The following C5 variants were observed in gnomAD, a reference collection of about 807,000 sequenced individuals.
C5 encodes C3 and PZP-like alpha-2-macroglobulin domain-containing protein 4.
C5 carries 140 observed loss-of-function variants against 218.8 expected under a neutral mutation model. The ratio of observed to expected loss-of-function variants is 0.64; its 90% CI spans 0.56 to 0.74. The LOEUF (loss-of-function observed/expected upper bound fraction) is 0.74, where lower values mean the gene tolerates loss of function less well. Ranked by LOEUF, C5 falls within the 30% of genes least tolerant of loss-of-function variation. The probability of loss-of-function intolerance (pLI) is 0.00; values close to 1 mark genes in which losing one functional copy is unlikely to be tolerated. For synonymous variants in C5, 614 were observed against 682.3 expected (o/e 0.90, Z 1.56); for missense variants, 1,700 against 1,969.6 (o/e 0.86, Z 2.59).
At chr9:121,016,459 G>T (rs1234094711) in intron 14 of C5, 76 bp from the exon 15 acceptor site, 3 of 1,558,956 alleles carry the variant, frequency 1.9e-6, no homozygotes, top group Non-Finnish European at 2.7e-6. Context: ...GGTACTAATT[G>T]TTACATGGTT....
chr9:121,043,451 A>C (rs2047598400), intron 2 of C5, among the ~76,000 whole-genome samples: 1 of 152,080 alleles, frequency 6.6e-6, no homozygotes, highest in African/African-American at 2.4e-5. Flanking sequence ...CCTTTAAGAA[A>C]CCTTCACTCA....
At position 121,025,858 on chromosome 9, in the gene C5, G is replaced by A. The variant is rs1204675578; in HGVS notation, c.874-278C>T. On this transcript the variant is annotated intron_variant, in intron 8 of 40. Transcript: ENST00000223642. ...AAACACGACTTCTTCCAATTCCTGC[G>A]TCATCATTCATCTTTATAGGCCTCT... 11 of 343,170 alleles carry A rather than the reference G, an allele frequency of 3.2e-5. No homozygotes were observed. The East Asian group carries it at 3.3e-4, about 10-fold the overall frequency. The allele number at this position is 343,170 out of a possible 1,614,324, so 21.3% of individuals were successfully genotyped here.
the C5 span, among the ~76,000 whole-genome samples, chr9:121,074,072 C>G: frequency 4.2e-4 from 64 of 152,194 alleles, 2 homozygotes; most frequent in South Asian, 0.013. Flanking sequence ...TGAGCAGGCA[C>G]GCTGCTAAGA....
intron 17 of C5, among the ~76,000 whole-genome samples, chr9:121,011,580 A>C (rs1221344342): frequency 6.6e-6 from 1 of 152,212 alleles, no homozygotes; most frequent in Non-Finnish European, 1.5e-5. Context: ...TCCTTAAAAA[A>C]CAAAGAATAG....
In C5 at chr9:121,030,504, A is replaced by G; in HGVS notation, c.668-17T>C. ...GTGGCAAGACTGAAAATAAAAACAA[A>G]CAGGTAATATTACCATTTTGATTAG... is the stretch of plus-strand genomic sequence containing the variant. On this transcript the variant is annotated splice_polypyrimidine_tract_variant and intron_variant, in intron 6 of 40. Transcript: ENST00000223642. 6.9e-7 allele frequency: 1 copy of G among 1,439,214 alleles called. No homozygotes were observed. 89.2% of individuals were successfully genotyped at this position (1,439,214 alleles called of 1,614,324 possible). A position where few individuals can be genotyped will look rare whatever the true frequency, so the allele number is the denominator to read the frequency against.
rs1291345477 is a variant in C5, at chr9:121,043,181, G to A, written c.259-15C>T. 12 of 1,600,724 alleles carry A rather than the reference G, an allele frequency of 7.5e-6. No individual in the cohort carries two copies. The South Asian group carries it at 1.1e-4, about 15-fold the overall frequency. On this transcript the variant is annotated splice_polypyrimidine_tract_variant and intron_variant, in intron 2 of 40. Coordinates refer to ENST00000223642, the MANE Select transcript of C5 (RefSeq NM_001735.3). ...TTTGGTTGTATCTGGAAAAGAAATT[G>A]TTGATGGAAAAAGTATAATAATTCT...
upstream of C5, among the ~76,000 whole-genome samples, chr9:121,051,589 T>C (rs2047671770): frequency 6.6e-6 from 1 of 152,218 alleles, no homozygotes; most frequent in African/African-American, 2.4e-5. Context: ...GAGATATTTA[T>C]GATATATAAA....
chr9:120,972,808 G>A (rs1372068610), intron 30 of C5, among the ~76,000 whole-genome samples: 2 of 152,144 alleles, frequency 1.3e-5, no homozygotes, highest in Non-Finnish European at 2.9e-5. Flanking sequence ...ATATGTTAAA[G>A]TTTCTCAATC....
At position 121,025,419 on chromosome 9, in the gene C5, TACAC is replaced by T. The variant is rs1173632890; in HGVS notation, c.1000+31_1000+34del. On this transcript the variant is annotated intron_variant, in intron 9 of 40. Coordinates refer to ENST00000223642, the MANE Select transcript of C5 (RefSeq NM_001735.3). ...TCTAAATATTTTTCAAAAGAAAGTA[TACAC>T]ACACACACACACACACACACACACA... The T allele has an allele frequency of 4.6e-4, 660 of 1,437,110 alleles. 2 individuals carry two copies. The African/African-American group carries it at 5.1e-3, about 11-fold the overall frequency. The allele number at this position is 1,437,110 out of a possible 1,614,324, so 89.0% of individuals were successfully genotyped here.
At chr9:121,004,110 C>A (rs2047195414) in intron 20 of C5, among the ~76,000 whole-genome samples, 1 of 152,054 alleles carries the variant, frequency 6.6e-6, no homozygotes, top group African/African-American at 2.4e-5. Context: ...ACCTCGTGAT[C>A]CACCCGCCTC....
At position 121,008,773 on chromosome 9, in the gene C5, C is replaced by CACAA. The variant is rs1423525153; in HGVS notation, c.2258-279_2258-276dup. On this transcript the variant is annotated intron_variant, in intron 17 of 40. Coordinates refer to ENST00000223642, the MANE Select transcript of C5 (RefSeq NM_001735.3). Reference sequence around the variant, plus strand: ...GTTGAAACCCCGTCTCTACTAAAAACACAAAAATTAGCTGGGCATGGTGGC... The same window carrying CACAA: ...GTTGAAACCCCGTCTCTACTAAAAACACAAACAAAAATTAGCTGGGCATGGTGGC... Among the ~76,000 whole-genome samples, 6 of 152,004 alleles carry CACAA rather than the reference C, an allele frequency of 3.9e-5. No homozygotes were observed. The South Asian group carries it at 1.0e-3, about 26-fold the overall frequency.
chr9:120,967,466 T>C (rs1035781426), intron 33 of C5, among the ~76,000 whole-genome samples: 2 of 152,088 alleles, frequency 1.3e-5, no homozygotes, highest in Non-Finnish European at 2.9e-5. Flanking sequence ...CACAACACTA[T>C]TGAATTTCCA....
chr9:121,000,109 G>C, intron 20 of C5: 1 of 223,196 alleles, frequency 4.5e-6, no homozygotes, highest in South Asian at 4.8e-5. Flanking sequence ...TATTGCAAAG[G>C]ACATACAAAA....
Position 121,020,008 on chromosome 9 carries a change from ATGG to A in C5, c.1471_1473del (p.Pro491del). 6.2e-7 allele frequency: 1 copy of A among 1,609,722 alleles called. No individual in the cohort carries two copies. Among genetic ancestry groups the A allele is most frequent in the Non-Finnish European group, 8.5e-7 (1 of 1,176,122 alleles). ...TTATAGTGAGTTATTTTGTCAATAT[ATGG>A]GCTTTTGGGGGTAACAATAATATTC... On this transcript the variant is annotated inframe_deletion, in exon 12 of 41. Coordinates refer to ENST00000223642, the MANE Select transcript of C5 (RefSeq NM_001735.3).
intron 22 of C5, among the ~76,000 whole-genome samples, chr9:120,992,014 G>T (rs996731781): frequency 1.3e-5 from 2 of 152,186 alleles, no homozygotes; most frequent in African/African-American, 4.8e-5. Context: ...CTGAACTCCA[G>T]AAGTTTTGCT....
At chr9:121,014,238 G>A (rs938908662) in intron 16 of C5, among the ~76,000 whole-genome samples, 168 bp from the exon 17 acceptor site, 1 of 152,132 alleles carries the variant, frequency 6.6e-6, no homozygotes, top group Non-Finnish European at 1.5e-5. Flanking sequence ...TCTAAGAATG[G>A]GGAGAATGTG....
chr9:120,997,985 T>C (rs921978294), intron 20 of C5, among the ~76,000 whole-genome samples: 1 of 152,138 alleles, frequency 6.6e-6, no homozygotes, highest in African/African-American at 2.4e-5. Flanking sequence ...GTATTTTTAG[T>C]AGAGGCACGG....
chr9:121,059,387 C>T, the C5 span, among the ~76,000 whole-genome samples: 1 of 152,200 alleles, frequency 6.6e-6, no homozygotes, highest in Non-Finnish European at 1.5e-5. The surrounding 1 kb of genome is among the most constrained non-coding windows in gnomAD (Gnocchi z 4.1). Context: ...AGTTTTATAA[C>T]CTCACCTGAA....
intron 20 of C5, among the ~76,000 whole-genome samples, chr9:121,002,316 G>GTGTGTGTGTA (rs572345213): frequency 1.3e-4 from 11 of 87,398 alleles, no homozygotes; most frequent in South Asian, 8.4e-4. Flanking sequence ...ATATGTGTGT[G>GTGTGTGTGTA]TATATATATA....
Sources: allele counts gnomAD v4.1 joint callset (sites outside exome capture counted in the v4.1 genomes callset), GRCh38; gene constraint gnomAD v4.1.1; non-coding constraint Gnocchi (gnomAD v3.1); transcripts MANE v1.5; gene names NCBI Gene and HGNC (gene_info 2026-07-23, HGNC 2026-07-21).